The following SLC24A2 variants were observed in gnomAD, a reference collection of about 807,000 sequenced individuals.
SLC24A2 encodes the protein solute carrier family 24 member 2.
Under a neutral mutation model 62.0 loss-of-function variants are expected in SLC24A2, and 36 were observed. The observed-to-expected ratio is 0.58, with a 90% CI of 0.44 to 0.77. SLC24A2 has a LOEUF of 0.77. Ranked by LOEUF, SLC24A2 falls within the 30% of genes least tolerant of loss-of-function variation. The probability of loss-of-function intolerance (pLI) is 0.00; values close to 1 mark genes in which losing one functional copy is unlikely to be tolerated. For synonymous variants in SLC24A2, 358 were observed against 294.0 expected (o/e 1.22, Z -2.23); for missense variants, 846 against 817.9 (o/e 1.03, Z -0.42).
At chr9:19,572,382 T>C (rs941455567) in intron 7 of SLC24A2, among the ~76,000 whole-genome samples, 3 of 152,002 alleles carry the variant, frequency 2.0e-5, no homozygotes, top group African/African-American at 7.3e-5. Flanking sequence ...TCATCTCAAA[T>C]TGTAATCCCC....
chr9:19,641,820 A>G (rs1818502200), intron 2 of SLC24A2, among the ~76,000 whole-genome samples: 1 of 152,338 alleles, frequency 6.6e-6, no homozygotes. Context: ...CTTCCAGTAG[A>G]GAATGGCACT....
rs1563918000 is a variant in SLC24A2 at position 19,510,432 on chromosome 9, T to TTTTTTTTTTTTTTTTTTG, written c.*5720_*5721insCAAAAAAAAAAAAAAAAA. ...AGAGTGCCCAGATGCAGTTACTTTT[T>TTTTTTTTTTTTTTTTTTG]GCCAAAAAAAAAAAAAAAAAAAAAA... On this transcript the variant is annotated 3_prime_UTR_variant, in exon 11 of 11. Transcript: ENST00000341998. The TTTTTTTTTTTTTTTTTTG allele has an allele frequency of 3.8e-5, 4 of 105,360 alleles. No individual in the cohort carries two copies. Among genetic ancestry groups the TTTTTTTTTTTTTTTTTTG allele is most frequent in the Non-Finnish European group, 5.8e-5 (3 of 52,116 alleles). The allele number at this position is 105,360 out of a possible 1,614,324, so 6.5% of individuals were successfully genotyped here.
intron 2 of SLC24A2, 23 bp from the exon 3 acceptor site, chr9:19,622,322 G>T: frequency 6.2e-7 from 1 of 1,606,734 alleles, no homozygotes. Flanking sequence ...AAAAGGCAAA[G>T]ACAAAAGACA....
rs546252357 is a variant in SLC24A2 at position 19,560,441 on chromosome 9, C to T, written c.1348-10173G>A. On this transcript the variant is annotated intron_variant, in intron 7 of 10. Transcript: ENST00000341998. ...GATCCAATAGGATCATAAGATATAC[C>T]AGAAGGCTTGTGCTCTCTCTCTGTC... Among the ~76,000 whole-genome samples, 5 of 152,206 alleles carry T rather than the reference C, an allele frequency of 3.3e-5. No individual in the cohort carries two copies. In the East Asian group the frequency reaches 9.7e-4, roughly 29 times the overall value.
chr9:19,703,347 A>C (rs1438495940), intron 2 of SLC24A2, among the ~76,000 whole-genome samples: 1 of 152,192 alleles, frequency 6.6e-6, no homozygotes, highest in Non-Finnish European at 1.5e-5. Flanking sequence ...TTTCATTCCA[A>C]ATCCTGTGCT....
the SLC24A2 span, among the ~76,000 whole-genome samples, chr9:20,177,204 T>C: frequency 6.6e-6 from 1 of 152,108 alleles, no homozygotes; most frequent in African/African-American, 2.4e-5. Flanking sequence ...TCAATTTAAG[T>C]TCATATCTGT....
chr9:19,793,694 C>A (rs1823345939), upstream of SLC24A2, among the ~76,000 whole-genome samples: 1 of 152,290 alleles, frequency 6.6e-6, no homozygotes, highest in South Asian at 2.1e-4. Context: ...TAACAAACAG[C>A]TCCATTTGAA....
the SLC24A2 span, among the ~76,000 whole-genome samples, chr9:20,152,233 G>A: frequency 6.6e-6 from 1 of 151,844 alleles, no homozygotes; most frequent in Non-Finnish European, 1.5e-5. Context: ...TTTATAAGAA[G>A]GTCCAGAAGA....
the SLC24A2 span, among the ~76,000 whole-genome samples, chr9:20,281,673 T>C: frequency 1.3e-5 from 2 of 152,268 alleles, no homozygotes; most frequent in Non-Finnish European, 2.9e-5. Flanking sequence ...ATCATTGTTG[T>C]ATAGTATTTG....
the SLC24A2 span, among the ~76,000 whole-genome samples, chr9:20,218,288 G>A: frequency 6.6e-6 from 1 of 152,120 alleles, no homozygotes; most frequent in South Asian, 2.1e-4. Flanking sequence ...AGTCATTTGG[G>A]TCTTTGATTT....
chr9:19,920,875 C>G, the SLC24A2 span, among the ~76,000 whole-genome samples: 1 of 152,246 alleles, frequency 6.6e-6, no homozygotes, highest in Admixed American at 6.5e-5. Context: ...TAAAGCCAAC[C>G]TGGGTTCAAA....
At chr9:19,966,695 A>G in the SLC24A2 span, among the ~76,000 whole-genome samples, 2 of 152,198 alleles carry the variant, frequency 1.3e-5, no homozygotes, top group Non-Finnish European at 2.9e-5. Context: ...GGGAAAAATC[A>G]ATACAGGAAA....
the SLC24A2 span, among the ~76,000 whole-genome samples, chr9:19,882,879 C>A: frequency 2.0e-5 from 3 of 152,176 alleles, no homozygotes; most frequent in African/African-American, 7.2e-5. Flanking sequence ...CTCCACCAAG[C>A]AGCCGATGCA....
At chr9:19,573,329 G>A (rs186518220) in intron 7 of SLC24A2, 22 bp downstream of exon 7, 5 of 1,452,504 alleles carry the variant, frequency 3.4e-6, no homozygotes, top group African/African-American at 2.8e-5. Flanking sequence ...CAGCCCAGAA[G>A]AGCAATGGAG....
chr9:19,957,199 A>T, the SLC24A2 span, among the ~76,000 whole-genome samples: 1 of 152,312 alleles, frequency 6.6e-6, no homozygotes, highest in Middle Eastern at 3.4e-3. Flanking sequence ...TCTTCCATAC[A>T]ATAAAGACAA....
At chr9:19,953,968 C>T in the SLC24A2 span, among the ~76,000 whole-genome samples, 1 of 150,594 alleles carries the variant, frequency 6.6e-6, no homozygotes, top group African/African-American at 2.4e-5. Flanking sequence ...CTACTTTTTC[C>T]TAAAAAAAAA....
At chr9:20,200,011 G>T in the SLC24A2 span, among the ~76,000 whole-genome samples, 1 of 151,398 alleles carries the variant, frequency 6.6e-6, no homozygotes, top group Non-Finnish European at 1.5e-5. Context: ...GACTACAGGC[G>T]TGAGACACCG....
chr9:19,914,856 G>A, the SLC24A2 span, among the ~76,000 whole-genome samples: 1 of 152,072 alleles, frequency 6.6e-6, no homozygotes, highest in African/African-American at 2.4e-5. Flanking sequence ...CCAGAATCTG[G>A]CCACATAAAA....
chr9:19,891,605 G>T, the SLC24A2 span, among the ~76,000 whole-genome samples: 2 of 152,078 alleles, frequency 1.3e-5, no homozygotes, highest in African/African-American at 4.8e-5. Flanking sequence ...TCTGGGCTTG[G>T]CATAGTGACT....
Sources: allele counts gnomAD v4.1 joint callset (sites outside exome capture counted in the v4.1 genomes callset), GRCh38; gene constraint gnomAD v4.1.1; transcripts MANE v1.5; gene names NCBI Gene and HGNC (gene_info 2026-07-23, HGNC 2026-07-21).